The following PLIN4 variants were observed in gnomAD, a reference collection of about 807,000 sequenced individuals.
PLIN4 encodes perilipin-4.
Under a neutral mutation model 52.4 loss-of-function variants are expected in PLIN4, and 57 were observed. The observed-to-expected ratio is 1.09, with a 90% confidence interval of 0.88 to 1.36. The LOEUF (loss-of-function observed/expected upper bound fraction) is 1.36. Ranked by LOEUF, PLIN4 falls within the 40% of genes most tolerant of loss-of-function variation. The probability of loss-of-function intolerance (pLI) is 0.00; values close to 1 mark genes in which losing one functional copy is unlikely to be tolerated. For synonymous variants in PLIN4, 826 were observed against 785.4 expected (o/e 1.05, Z -0.86); for missense variants, 1,757 against 1,770.3 (o/e 0.99, Z 0.13).
In PLIN4 at chr19:4,511,926, G is replaced by A. The variant is rs566340834; in HGVS notation, c.2034C>T (p.Ala678=). The A allele has an allele frequency of 6.5e-5, 104 of 1,598,214 alleles. 1 individual carries two copies. The South Asian group carries it at 1.1e-3, about 17-fold the overall frequency. ...CTACACCTGTCTGGGCAGCCCCTTT[G>A]GCCACATTCACAGCACTGGTCACCC... is the stretch of plus-strand genomic sequence containing the variant. ...GSGVTSAVNV[A]KGAAQTGVDT... is the part of the protein sequence containing the mutation. Residue 678 remains alanine, a synonymous_variant, in exon 5 of 8, where the codon GCC becomes GCT. Coordinates refer to ENST00000301286, the MANE Select transcript of PLIN4 (RefSeq NM_001367868.2).
At chr19:4,508,312 A>ATGGT (rs1384543957) in intron 6 of PLIN4, among the ~76,000 whole-genome samples, 2 of 152,150 alleles carry the variant, frequency 1.3e-5, no homozygotes, top group East Asian at 3.9e-4. Context: ...GCTGGAGTGC[A>ATGGT]GTGGCACCAT....
rs777301720 is a variant in PLIN4, at chr19:4,510,621, G to A, written c.3339C>T (p.Thr1113=). The A allele has an allele frequency of 6.6e-7, 1 of 1,509,074 alleles. No homozygotes were observed. Among genetic ancestry groups the A allele is most frequent in the Admixed American group, 2.3e-5 (1 of 43,632 alleles). 93.5% of individuals were successfully genotyped at this position (1,509,074 alleles called of 1,614,324 possible). ...PEPAWEAAAT[T]KGLATDVATF... is the part of the protein sequence containing the mutation. ...TCGCCACGTCAGTCGCAAGGCCCTT[G>A]GTAGTGGCTGCGGCTTCCCAGGCAG... Residue 1113 remains threonine, a synonymous_variant, in exon 5 of 8, where the codon ACC becomes ACT. Transcript: ENST00000301286.
rs762524648 is a variant in PLIN4, at chr19:4,504,743, G to A, written c.3832C>T (p.Arg1278Trp). ...CCACTGTAGGCCGTGTGCAGCTGCCGGAGAAGGCCGCAGACCCTGGACAGA... is the reference window on the plus strand; with the variant it reads ...CCACTGTAGGCCGTGTGCAGCTGCCAGAGAAGGCCGCAGACCCTGGACAGA... ...GVLSRVCGLL[R>W]QLHTAYSGLV... The change falls in exon 8 of 8, where the codon CGG (arginine) becomes TGG (tryptophan). Residue 1278 changes from arginine to tryptophan, a missense_variant. Around this residue, in one of 7 missense-constraint regions of PLIN4, gnomAD observed 712 missense variants for 637.1 expected, o/e 1.12. Coordinates refer to ENST00000301286, the MANE Select transcript of PLIN4 (RefSeq NM_001367868.2). The A allele has an allele frequency of 1.0e-5, 16 of 1,599,492 alleles. No individual in the cohort carries two copies. Among genetic ancestry groups the A allele is most frequent in the African/African-American group, 6.7e-5 (5 of 74,764 alleles).
At chr19:4,507,915 G>A (rs145642231) in intron 6 of PLIN4, among the ~76,000 whole-genome samples, 6 of 152,134 alleles carry the variant, frequency 3.9e-5, no homozygotes, top group African/African-American at 1.4e-4. Flanking sequence ...CAGAGGAAGA[G>A]AGCGGGGCCA....
At position 4,505,941 on chromosome 19, in the gene PLIN4, G is replaced by GA; in HGVS notation, c.3703-995_3703-994insT. Among the ~76,000 whole-genome samples the GA allele has an allele frequency of 4.0e-5, 6 of 151,858 alleles. No individual in the cohort carries two copies. The East Asian group carries it at 7.8e-4, about 20-fold the overall frequency. The stretch of plus-strand genomic sequence containing the variant: ...GTTACAAGCCTCAGGGGTCTCTTGG[G>GA]GTCTTCTCTCACCTCCCACATCGGA... On this transcript the variant is annotated intron_variant, in intron 6 of 7. Transcript: ENST00000301286.
At chr19:4,505,927 CAG>C (rs1491370091) in intron 6 of PLIN4, among the ~76,000 whole-genome samples, 2 of 134,898 alleles carry the variant, frequency 1.5e-5, no homozygotes, top group South Asian at 4.8e-4. Flanking sequence ...TTACAAGCCT[CAG>C]GGGTCTCTTG....
rs765676516 is a variant in PLIN4, at chr19:4,517,710, C to G, written c.52-12G>C. The G allele has an allele frequency of 1.3e-6, 2 of 1,573,246 alleles. No individual in the cohort carries two copies. The highest frequency in any genetic ancestry group is 1.9e-5 in the Admixed American group (1 of 53,754). ...AAGCTGCCCAGGGTCTGCATGGGGG[C>G]GGGGGGTGTGCAGGATGAGCAGGCC... On this transcript the variant is annotated splice_polypyrimidine_tract_variant and intron_variant, in intron 2 of 7. Transcript: ENST00000301286.
chr19:4,515,522 G>T (rs1976562111), intron 4 of PLIN4, among the ~76,000 whole-genome samples: 2 of 152,116 alleles, frequency 1.3e-5, no homozygotes, highest in South Asian at 4.1e-4. Context: ...GCCTGCCTCA[G>T]CCTCCCAAAG....
In PLIN4 at chr19:4,508,856, C is replaced by T. The variant is rs368533613; in HGVS notation, c.3614G>A (p.Arg1205Gln). ...GTGGCTCACCGCGTGTTCAAATGCC[C>T]GCTGGCGGAAGCTGGGACCCAGGTC... Reference protein sequence around the residue: ...LGDLGPSFRQRAFEHAVSHLQ... With the variant: ...LGDLGPSFRQQAFEHAVSHLQ... The change falls in exon 6 of 8, where the codon CGG becomes CAG. Residue 1205 changes from arginine (R) to glutamine (Q), a missense_variant. Transcript: ENST00000301286. 9.6e-5 allele frequency: 155 copies of T among 1,611,690 alleles called. 1 individual carries two copies. Among genetic ancestry groups the T allele is most frequent in the Admixed American group, 3.5e-4 (21 of 59,784 alleles).
At position 4,518,232 on chromosome 19, in the gene PLIN4, G is replaced by A. The variant is rs767643293; in HGVS notation, c.41C>T (p.Pro14Leu). ...PDEGRRDPPK[P>L]KGKTLGSFFG... Reference sequence around the variant, plus strand: ...ATTTCCCCTCTTTACCTTGCCCTTCGGTTTGGGGGGATCCCGTCTCCCTTC... The same window carrying A: ...ATTTCCCCTCTTTACCTTGCCCTTCAGTTTGGGGGGATCCCGTCTCCCTTC... The change falls in exon 2 of 8, where the codon CCG becomes CTG. Residue 14 changes from proline (P) to leucine (L), a missense_variant. Pro to Leu is a moderately conservative substitution (Grantham distance 98). This residue lies in a region of PLIN4 where 332 missense variants were observed against 310.8 expected (regional missense o/e 1.07). Transcript: ENST00000301286. 75 of 1,232,958 alleles carry A rather than the reference G, an allele frequency of 6.1e-5. No homozygotes were observed. The highest frequency in any genetic ancestry group is 7.4e-5 in the Non-Finnish European group (73 of 988,756). The allele number at this position is 1,232,958 out of a possible 1,614,324, so 76.4% of individuals were successfully genotyped here. A position where few individuals can be genotyped will look rare whatever the true frequency, so the allele number is the denominator to read the frequency against.
Position 4,517,604 on chromosome 19 carries a change from G to GCGGC in PLIN4, c.142_145dup (p.Ala49GlyfsTer3). The GCGGC allele has an allele frequency of 6.2e-7, 1 of 1,610,842 alleles. No homozygotes were observed. Among genetic ancestry groups the GCGGC allele is most frequent in the Non-Finnish European group, 8.5e-7 (1 of 1,179,262 alleles). On this transcript the variant is annotated frameshift_variant, in exon 3 of 8. Coordinates refer to ENST00000301286, the MANE Select transcript of PLIN4 (RefSeq NM_001367868.2). LOFTEE classifies it high-confidence loss of function. ...GGCAGCAGGCGCTCCTGTGGGGTCAGCGGCCGGCCGGGCTCTCGCCGAGCT... is the reference window on the plus strand; with the variant it reads ...GGCAGCAGGCGCTCCTGTGGGGTCAGCGGCCGGCCGGCCGGGCTCTCGCCGAGCT...
Position 4,504,202 on chromosome 19 carries a change from G to C in PLIN4, c.*257C>G, listed in dbSNP as rs888972072. ...GGAAGGCTCTTGGCTGGTGGTCTGA[G>C]TGACCCCAGGCTCCGAGAGGGGCAG... On this transcript the variant is annotated 3_prime_UTR_variant, in exon 8 of 8. Transcript: ENST00000301286. 1.4e-5 allele frequency: 6 copies of C among 429,380 alleles called. No individual in the cohort carries two copies. Among genetic ancestry groups the C allele is most frequent in the African/African-American group, 1.2e-4 (6 of 49,360 alleles). The allele number at this position is 429,380 out of a possible 1,614,324, so 26.6% of individuals were successfully genotyped here. A position where few individuals can be genotyped will look rare whatever the true frequency, so the allele number is the denominator to read the frequency against.
At chr19:4,516,566 G>A in intron 4 of PLIN4, 51 bp downstream of exon 4, 2 of 1,552,430 alleles carry the variant, frequency 1.3e-6, no homozygotes, top group Non-Finnish European at 1.7e-6. Context: ...GCAGGAGGGG[G>A]CACCCCCAGG....
chr19:4,516,743 C>T, intron 3 of PLIN4, 65 bp from the exon 4 acceptor site: 3 of 1,431,456 alleles, frequency 2.1e-6, no homozygotes, highest in Non-Finnish European at 2.8e-6. Context: ...CCCGGCTGCC[C>T]ATTGCACAAT....
In PLIN4 at chr19:4,504,480, G is replaced by T; in HGVS notation, c.4095C>A (p.Ala1365=). Reference sequence around the variant, plus strand: ...ACAGCTACTGCCCGCCAGCGGGCAAGGCGAAGGGCCCTACCAGCCAGCTGA... The same window carrying T: ...ACAGCTACTGCCCGCCAGCGGGCAATGCGAAGGGCCCTACCAGCCAGCTGA... ...PPLSWLVGPF[A]LPAGGQ Residue 1365 remains alanine, a synonymous_variant, in exon 8 of 8, where the codon GCC becomes GCA. Transcript: ENST00000301286. 6.3e-7 allele frequency: 1 copy of T among 1,587,078 alleles called. No individual in the cohort carries two copies. Among genetic ancestry groups the T allele is most frequent in the Admixed American group, 1.7e-5 (1 of 58,932 alleles).
Position 4,504,688 on chromosome 19 carries a change from G to T in PLIN4, c.3887C>A (p.Ala1296Asp), listed in dbSNP as rs1393508960. 6.2e-7 allele frequency: 1 copy of T among 1,601,612 alleles called. No homozygotes were observed. The highest frequency in any genetic ancestry group is 1.7e-5 in the Admixed American group (1 of 59,372). ...CCGCCCCACTGGCTGCTGGAGCTCG[G>T]CGGGCAGGCCCTGGAGGCTGGAGAC... ...GLVSSLQGLP[A>D]ELQQPVGRAR... Residue 1296 changes from alanine (A) to aspartate (D), a missense_variant, in exon 8 of 8, where the codon GCC (alanine) becomes GAC (aspartate). Coordinates refer to ENST00000301286, the MANE Select transcript of PLIN4 (RefSeq NM_001367868.2).
intron 6 of PLIN4, among the ~76,000 whole-genome samples, chr19:4,507,792 G>T (rs570904081): frequency 6.6e-6 from 1 of 152,110 alleles, no homozygotes; most frequent in Non-Finnish European, 1.5e-5. Flanking sequence ...GACTGGGGAC[G>T]GGGAGACTGG....
rs201141051 is a variant in PLIN4 at position 4,511,571 on chromosome 19, C to G, written c.2389G>C (p.Asp797His). 1.6e-5 allele frequency: 23 copies of G among 1,477,522 alleles called. No homozygotes were observed. The Middle Eastern group carries it at 5.6e-4, about 36-fold the overall frequency. The allele number at this position is 1,477,522 out of a possible 1,614,324, so 91.5% of individuals were successfully genotyped here. Residue 797 changes from aspartate to histidine, a missense_variant, in exon 5 of 8, where the codon GAT (aspartate) becomes CAT (histidine). Asp to His is a moderately conservative substitution (Grantham distance 81, BLOSUM62 -1). Coordinates refer to ENST00000301286, the MANE Select transcript of PLIN4 (RefSeq NM_001367868.2). ...CCGGTCACCCCACTGCACACAGCAT[C>G]CTTGGTACCAGTTAACACAGTCTTG... is the stretch of plus-strand genomic sequence containing the variant. ...TTKTVLTGTK[D>H]AVCSGVTGAA...
rs1238708271 is a variant in PLIN4, at chr19:4,502,560, C to G, written c.*1899G>C. 4.3e-6 allele frequency: 1 copy of G among 233,858 alleles called. No individual in the cohort carries two copies. Among genetic ancestry groups the G allele is most frequent in the East Asian group, 1.8e-4 (1 of 5,700 alleles). The allele number at this position is 233,858 out of a possible 1,614,324, so 14.5% of individuals were successfully genotyped here. A position where few individuals can be genotyped will look rare whatever the true frequency, so the allele number is the denominator to read the frequency against. ...GGTCCGATGTGGGGAGGACGAGGGT[C>G]CGCGAGGCTAGGCTGGGAGGGTGGA... On this transcript the variant is annotated 3_prime_UTR_variant, in exon 8 of 8. Transcript: ENST00000301286.
Sources: allele counts gnomAD v4.1 joint callset (sites outside exome capture counted in the v4.1 genomes callset), GRCh38; gene constraint gnomAD v4.1.1; regional missense constraint gnomAD v4.1.1; transcripts MANE v1.5; gene names NCBI Gene and HGNC (gene_info 2026-07-23, HGNC 2026-07-21).